CCSER1: variants seen among roughly 807,000 people sequenced by gnomAD.
CCSER1 encodes coiled-coil serine rich protein 1, also known as serine-rich coiled-coil domain-containing protein 1.
A neutral mutation model predicts 82.0 loss-of-function variants in CCSER1; 41 were observed. The observed-to-expected ratio is 0.50, with a 90% CI of 0.39 to 0.65. The LOEUF is 0.65. Ranked by LOEUF, CCSER1 falls within the 30% of genes least tolerant of loss-of-function variation. CCSER1 has a pLI of 0.00. For missense variants in CCSER1, 1,119 were observed against 1,064.2 expected (o/e 1.05, Z -0.72); for synonymous variants, 414 against 383.9 (o/e 1.08, Z -0.92).
At chr4:90,762,338 C>T (rs889874178) in intron 7 of CCSER1, among the ~76,000 whole-genome samples, 4 of 152,118 alleles carry the variant, frequency 2.6e-5, no homozygotes, top group African/African-American at 9.7e-5. Context: ...CTGAGGCTTC[C>T]CAGCCCTGCT....
At chr4:90,227,232 T>G (rs1240544201) in intron 1 of CCSER1, among the ~76,000 whole-genome samples, 1 of 152,230 alleles carries the variant, frequency 6.6e-6, no homozygotes, top group African/African-American at 2.4e-5. Context: ...ATCTGTAGTT[T>G]GTTTGCTTTT....
In CCSER1 at chr4:91,430,183, T is replaced by C. The variant is rs537472132; in HGVS notation, c.2218-168389T>C. On this transcript the variant is annotated intron_variant, in intron 10 of 10. Coordinates refer to ENST00000509176, the MANE Select transcript of CCSER1 (RefSeq NM_001145065.2). The stretch of plus-strand genomic sequence containing the variant: ...ATAAGTATTTTCACATAAAATTATA[T>C]ACAATAAGCATTCAAAAGAATAGGG... 3.9e-5 allele frequency among the ~76,000 whole-genome samples: 6 copies of C among 152,218 alleles called. No individual in the cohort carries two copies. In the East Asian group the frequency reaches 1.2e-3, roughly 29 times the overall value.
intron 10 of CCSER1, among the ~76,000 whole-genome samples, chr4:91,470,610 T>C (rs1256484798): frequency 6.6e-6 from 1 of 152,104 alleles, no homozygotes; most frequent in African/African-American, 2.4e-5. Context: ...GCATATAGAC[T>C]TTTATCTCTC....
At chr4:90,405,979 A>C (rs1463445836) in intron 4 of CCSER1, among the ~76,000 whole-genome samples, 1 of 152,194 alleles carries the variant, frequency 6.6e-6, no homozygotes, top group Non-Finnish European at 1.5e-5. Context: ...CAGGCAACAA[A>C]TAGCATGATG....
intron 7 of CCSER1, among the ~76,000 whole-genome samples, chr4:90,764,182 G>A (rs1238379665): frequency 1.3e-5 from 2 of 152,022 alleles, no homozygotes; most frequent in Non-Finnish European, 2.9e-5. Context: ...TCTTCCCTTC[G>A]AGGTAGATTG....
intron 10 of CCSER1, among the ~76,000 whole-genome samples, chr4:91,237,887 T>A (rs1046275770): frequency 6.6e-6 from 1 of 152,206 alleles, no homozygotes; most frequent in Non-Finnish European, 1.5e-5. Flanking sequence ...GTGAATTTAT[T>A]TGAGAGCACT....
intron 10 of CCSER1, among the ~76,000 whole-genome samples, chr4:91,211,362 A>G (rs58785885): frequency 0.026 from 3,944 of 152,130 alleles, 174 homozygotes; most frequent in African/African-American, 0.09. Flanking sequence ...GCTTGGGATG[A>G]CTTTAAGCTT....
At chr4:91,333,635 A>G (rs1313413511) in intron 10 of CCSER1, among the ~76,000 whole-genome samples, 1 of 152,080 alleles carries the variant, frequency 6.6e-6, no homozygotes, top group Non-Finnish European at 1.5e-5. Context: ...GCTGTAATAT[A>G]CAATCACAAA....
At chr4:91,508,098 G>C (rs1759605954) in intron 10 of CCSER1, among the ~76,000 whole-genome samples, 2 of 137,376 alleles carry the variant, frequency 1.5e-5, no homozygotes, top group African/African-American at 5.3e-5. Context: ...TTTCTGTGTA[G>C]AAACTCCAGT....
intron 10 of CCSER1, among the ~76,000 whole-genome samples, chr4:91,087,763 A>G (rs1222071361): frequency 6.6e-6 from 1 of 152,120 alleles, no homozygotes; most frequent in Non-Finnish European, 1.5e-5. Context: ...GTAAATGTCA[A>G]CTATTAAAAT....
intron 5 of CCSER1, among the ~76,000 whole-genome samples, chr4:90,510,694 C>T (rs1027613568): frequency 1.1e-4 from 17 of 152,186 alleles, no homozygotes; most frequent in African/African-American, 4.1e-4. Context: ...TGTGCTGCTG[C>T]CATGAGCAGC....
chr4:90,500,876 A>T (rs1205383587), intron 5 of CCSER1, among the ~76,000 whole-genome samples: 1 of 152,140 alleles, frequency 6.6e-6, no homozygotes, highest in Non-Finnish European at 1.5e-5. Context: ...TATTTTTCTA[A>T]GTAAAATATA....
At chr4:91,160,518 C>T (rs752498089) in intron 10 of CCSER1, among the ~76,000 whole-genome samples, 7 of 152,142 alleles carry the variant, frequency 4.6e-5, no homozygotes, top group Non-Finnish European at 7.4e-5. Context: ...ACCAACAGTG[C>T]AAAAGTGTTC....
Position 90,165,632 on chromosome 4 carries a change from A to T in CCSER1, c.-42+37801A>T, listed in dbSNP as rs763802414. Reference sequence around the variant, plus strand: ...TTATATTATCTATTGGAAAAGACAGATGTGTAAATAGATTATAATTACATG... The same window carrying T: ...TTATATTATCTATTGGAAAAGACAGTTGTGTAAATAGATTATAATTACATG... On this transcript the variant is annotated intron_variant, in intron 1 of 10. Transcript: ENST00000509176. 4.6e-5 allele frequency among the ~76,000 whole-genome samples: 7 copies of T among 152,208 alleles called. No homozygotes were observed. The East Asian group carries it at 9.7e-4, about 21-fold the overall frequency.
chr4:90,804,114 C>A (rs577617558), intron 7 of CCSER1, among the ~76,000 whole-genome samples: 1 of 152,006 alleles, frequency 6.6e-6, no homozygotes, highest in African/African-American at 2.4e-5. Context: ...GGTTATTACT[C>A]CTTTGTCAGA....
intron 4 of CCSER1, among the ~76,000 whole-genome samples, chr4:90,452,050 A>G (rs867170935): frequency 2.6e-5 from 4 of 152,090 alleles, no homozygotes; most frequent in South Asian, 4.2e-4. Flanking sequence ...CATGAGGGCA[A>G]TTAGCTCATC....
intron 8 of CCSER1, among the ~76,000 whole-genome samples, chr4:90,918,029 G>A (rs1727762090): frequency 6.6e-6 from 1 of 151,702 alleles, no homozygotes; most frequent in Admixed American, 6.6e-5. Flanking sequence ...TCTTTTTCTA[G>A]CTTTTACCTA....
At chr4:90,959,116 A>G (rs929102135) in intron 9 of CCSER1, among the ~76,000 whole-genome samples, 2 of 152,188 alleles carry the variant, frequency 1.3e-5, no homozygotes, top group Non-Finnish European at 2.9e-5. Context: ...TGTTGAACAG[A>G]TGTAAATAAT....
intron 6 of CCSER1, among the ~76,000 whole-genome samples, chr4:90,721,464 A>G (rs1742669649): frequency 6.6e-6 from 1 of 151,878 alleles, no homozygotes; most frequent in South Asian, 2.1e-4. Flanking sequence ...ATTCACTTTC[A>G]CATTATTATG....
Sources: gnomAD v4.1 joint callset for allele counts (sites outside exome capture counted in the v4.1 genomes callset) on GRCh38, gnomAD v4.1.1 for gene constraint, MANE v1.5 for transcripts, NCBI Gene and HGNC (gene_info 2026-07-23, HGNC 2026-07-21) for gene names.